MAPK10: variants seen among roughly 807,000 people sequenced by gnomAD.
MAPK10 encodes the protein JNK3 alpha protein kinase.
In MAPK10, 25 loss-of-function variants were observed where a neutral mutation model predicts 59.3. The observed-to-expected ratio is 0.42, with a 90% confidence interval of 0.31 to 0.59. The LOEUF is 0.59. Among genes scored for constraint, MAPK10 ranks in the 20% least tolerant of loss-of-function variants. The pLI is 0.15. For missense variants in MAPK10, 351 were observed against 568.9 expected, an observed-to-expected ratio of 0.62 and a Z score of 3.90; for synonymous variants, 190 against 200.5, an observed-to-expected ratio of 0.95 and a Z score of 0.44.
chr4:86,535,434 A>G (rs1420182742), intron 1 of MAPK10, among the ~76,000 whole-genome samples: 1 of 152,168 alleles, frequency 6.6e-6, no homozygotes, highest in African/African-American at 2.4e-5. Context: ...GAGACAAACT[A>G]TCACTCTGTC....
intron 2 of MAPK10, among the ~76,000 whole-genome samples, chr4:86,293,737 G>C (rs1056565128): frequency 6.6e-6 from 1 of 152,114 alleles, no homozygotes; most frequent in African/African-American, 2.4e-5. Flanking sequence ...CACATGGCAG[G>C]AGTGGGAGCA....
intron 11 of MAPK10, among the ~76,000 whole-genome samples, chr4:86,063,211 G>A (rs67161777): frequency 0.068 from 10,371 of 152,162 alleles, 442 homozygotes; most frequent in African/African-American, 0.12. Context: ...CTTCTCTAGT[G>A]AAGAATGAAG....
intron 2 of MAPK10, among the ~76,000 whole-genome samples, chr4:86,209,303 T>G (rs914989509): frequency 6.6e-6 from 1 of 152,086 alleles, no homozygotes; most frequent in African/African-American, 2.4e-5. Context: ...ACTGATGTAT[T>G]CACGTATATA....
At chr4:86,415,881 G>C (rs1054638667) in intron 1 of MAPK10, among the ~76,000 whole-genome samples, 2 of 152,190 alleles carry the variant, frequency 1.3e-5, no homozygotes, top group African/African-American at 4.8e-5. Context: ...TCTTATAGCA[G>C]TATAGTATGG....
chr4:86,137,241 G>C (rs144093597), intron 4 of MAPK10, among the ~76,000 whole-genome samples: 4 of 151,858 alleles, frequency 2.6e-5, no homozygotes, highest in South Asian at 4.2e-4. Context: ...CATTTTTTCA[G>C]CACCACACCA....
rs1377815059 is a variant in MAPK10, at chr4:86,017,160, T to C, written c.*68A>G. ...GTCTGCATTTGTGTGTGTGTGTGTG[T>C]CTGCGTGTGTGTGTGTTCCATCACA... On this transcript the variant is annotated 3_prime_UTR_variant, in exon 14 of 14. Transcript: ENST00000641462. This position sits in a 1 kb window ranked among gnomAD's most constrained non-coding sequence, Gnocchi z 4.4. 6.6e-7 allele frequency: 1 copy of C among 1,520,508 alleles called. No individual in the cohort carries two copies. Among genetic ancestry groups the C allele is most frequent in the African/African-American group, 1.4e-5 (1 of 73,164 alleles). 94.2% of individuals were successfully genotyped at this position (1,520,508 alleles called of 1,614,324 possible). A position where few individuals can be genotyped will look rare whatever the true frequency, so the allele number is the denominator to read the frequency against.
intron 2 of MAPK10, among the ~76,000 whole-genome samples, chr4:86,216,297 T>A (rs1462313339): frequency 1.2e-5 from 1 of 85,006 alleles, no homozygotes; most frequent in Admixed American, 1.1e-4. Context: ...ATATATAGCA[T>A]ATATATATAT....
intron 4 of MAPK10, among the ~76,000 whole-genome samples, chr4:86,141,417 G>C (rs1398168004): frequency 6.6e-6 from 1 of 152,166 alleles, no homozygotes; most frequent in Non-Finnish European, 1.5e-5. Flanking sequence ...TTTATTCAGT[G>C]TGGGGGAGTA....
intron 2 of MAPK10, among the ~76,000 whole-genome samples, chr4:86,248,750 A>G (rs779650875): frequency 6.6e-6 from 1 of 152,222 alleles, no homozygotes; most frequent in African/African-American, 2.4e-5. Flanking sequence ...ACTCCTGTAG[A>G]CTGAGGCAAA....
intron 1 of MAPK10, among the ~76,000 whole-genome samples, chr4:86,367,779 G>A (rs1020707317): frequency 4.0e-5 from 6 of 151,526 alleles, no homozygotes; most frequent in African/African-American, 1.5e-4. Flanking sequence ...ATTTTTCTAT[G>A]CTATAGGCAT....
At position 86,564,569 on chromosome 4, in the gene MAPK10, A is replaced by G. The variant is rs547702868; in HGVS notation, c.-263+29341T>C. Among the ~76,000 whole-genome samples the G allele has an allele frequency of 5.9e-5, 9 of 152,262 alleles. No homozygotes were observed. In the South Asian group the frequency reaches 1.9e-3, roughly 32 times the overall value. On this transcript the variant is annotated intron_variant, in intron 1 of 4. Coordinates refer to the MAPK10 transcript ENST00000502302. Reference sequence around the variant, plus strand: ...GTGTAAAACATTTATTTGCCTATGAATGGAGACATGCACAGACACCACCAA... The same window carrying G: ...GTGTAAAACATTTATTTGCCTATGAGTGGAGACATGCACAGACACCACCAA...
chr4:86,255,521 C>G (rs79193821), intron 2 of MAPK10, among the ~76,000 whole-genome samples: 1 of 152,062 alleles, frequency 6.6e-6, no homozygotes, highest in Non-Finnish European at 1.5e-5. Context: ...TCAGTCTGCC[C>G]GTAAGCAGTG....
chr4:86,524,385 G>A (rs756930188), intron 1 of MAPK10, among the ~76,000 whole-genome samples: 1 of 152,120 alleles, frequency 6.6e-6, no homozygotes, highest in Non-Finnish European at 1.5e-5. Flanking sequence ...GTAATCACTT[G>A]ATTTCACTTC....
chr4:86,429,575 G>A (rs2149039681), intron 1 of MAPK10: 1 of 152,206 alleles, frequency 6.6e-6, no homozygotes, highest in East Asian at 1.9e-4. Context: ...GGCCAAGGTA[G>A]GAGGATTCCT....
chr4:86,265,484 G>C (rs1248428035), intron 2 of MAPK10, among the ~76,000 whole-genome samples: 2 of 151,502 alleles, frequency 1.3e-5, no homozygotes, highest in Non-Finnish European at 2.9e-5. Context: ...ACTCCAGCTG[G>C]GGTGACAGAG....
intron 4 of MAPK10, among the ~76,000 whole-genome samples, chr4:86,133,719 C>T (rs1322951144): frequency 6.6e-6 from 1 of 152,200 alleles, no homozygotes; most frequent in Non-Finnish European, 1.5e-5. Flanking sequence ...TTGAGCCAGA[C>T]ATCTTGCTGG....
intron 1 of MAPK10, among the ~76,000 whole-genome samples, chr4:86,532,825 C>T (rs1757942237): frequency 6.6e-6 from 1 of 152,206 alleles, no homozygotes; most frequent in Non-Finnish European, 1.5e-5. Context: ...AGTCCAGTAT[C>T]CCAGCCTCAC....
At chr4:86,558,261 T>C (rs1760416467) in intron 1 of MAPK10, among the ~76,000 whole-genome samples, 1 of 152,178 alleles carries the variant, frequency 6.6e-6, no homozygotes, top group Non-Finnish European at 1.5e-5. Flanking sequence ...GAAAGTATAT[T>C]CTTATTTGAT....
chr4:86,560,260 A>T (rs1353263317), intron 1 of MAPK10, among the ~76,000 whole-genome samples: 1 of 152,216 alleles, frequency 6.6e-6, no homozygotes, highest in Non-Finnish European at 1.5e-5. Context: ...TCAGAGTCAG[A>T]GTGAGACTCG....
Sources: gnomAD v4.1 joint callset for allele counts (sites outside exome capture counted in the v4.1 genomes callset) on GRCh38, gnomAD v4.1.1 for gene constraint, Gnocchi (gnomAD v3.1) non-coding constraint, MANE v1.5 for transcripts, NCBI Gene and HGNC (gene_info 2026-07-23, HGNC 2026-07-21) for gene names.